Variants in SHANK2 observed in about 807,000 individuals in gnomAD.
The protein encoded by SHANK2 is SH3 and multiple ankyrin repeat domains 2.
In SHANK2, 43 loss-of-function variants were observed where a neutral mutation model predicts 133.7. The ratio of observed to expected loss-of-function variants is 0.32; its 90% CI spans 0.25 to 0.41. The LOEUF (loss-of-function observed/expected upper bound fraction) is 0.41, where lower values mean the gene tolerates loss of function less well. Ranked by LOEUF, SHANK2 falls within the 10% of genes least tolerant of loss-of-function variation. The pLI, the probability that SHANK2 is intolerant of heterozygous loss-of-function variation, is 1.00. For missense variants in SHANK2, 1,994 were observed against 2,235.8 expected, an observed-to-expected ratio of 0.89 and a Z score of 2.18; for synonymous variants, 1,017 against 952.8, an observed-to-expected ratio of 1.07 and a Z score of -1.24.
At chr11:71,060,970 A>C (rs1950980063) in intron 9 of SHANK2, among the ~76,000 whole-genome samples, 1 of 152,244 alleles carries the variant, frequency 6.6e-6, no homozygotes, top group Non-Finnish European at 1.5e-5. Context: ...TGAGTACAGG[A>C]AAAAATATGT....
Position 70,603,764 on chromosome 11 carries a change from A to C in SHANK2, c.2061+56064T>G, listed in dbSNP as rs1241223398. 2.0e-5 allele frequency: 3 copies of C among 152,678 alleles called. No homozygotes were observed. The East Asian group carries it at 5.8e-4, about 29-fold the overall frequency. The allele number at this position is 152,678 out of a possible 1,614,324, so 9.5% of individuals were successfully genotyped here. A position where few individuals can be genotyped will look rare whatever the true frequency, so the allele number is the denominator to read the frequency against. ...GGAGAATCCCACAGTCCCCCTTCTCAGCCTAATTTGCAGGCAAGGAAATGT... is the reference window on the plus strand; with the variant it reads ...GGAGAATCCCACAGTCCCCCTTCTCCGCCTAATTTGCAGGCAAGGAAATGT... On this transcript the variant is annotated intron_variant, in intron 17 of 25. Transcript: ENST00000601538.
chr11:70,750,259 C>T (rs1555037216), intron 14 of SHANK2, among the ~76,000 whole-genome samples: 1 of 152,206 alleles, frequency 6.6e-6, no homozygotes, highest in Non-Finnish European at 1.5e-5. Flanking sequence ...ATAAAAAGAG[C>T]TTCAAGAAAA....
intron 1 of SHANK2, among the ~76,000 whole-genome samples, chr11:71,246,438 A>G (rs1954962155): frequency 6.6e-6 from 1 of 152,204 alleles, no homozygotes; most frequent in Admixed American, 6.5e-5. Flanking sequence ...GGCAGTATGC[A>G]GAGCACACAC....
intron 9 of SHANK2, among the ~76,000 whole-genome samples, chr11:71,070,316 C>T (rs1022800932): frequency 5.3e-5 from 8 of 152,322 alleles, no homozygotes; most frequent in African/African-American, 1.2e-4. Context: ...CTAGACCACT[C>T]GCAGACATTC....
chr11:71,095,008 G>T (rs149271403), intron 6 of SHANK2, among the ~76,000 whole-genome samples: 50 of 152,330 alleles, frequency 3.3e-4, no homozygotes, highest in South Asian at 8.3e-4. Flanking sequence ...GAATCCTGTG[G>T]TACCATCTGG....
chr11:70,901,932 A>T (rs547544885), intron 10 of SHANK2, among the ~76,000 whole-genome samples: 8 of 152,310 alleles, frequency 5.3e-5, no homozygotes, highest in Admixed American at 4.6e-4. Context: ...CCACATGTGA[A>T]GCCAAGGGAA....
intron 2 of SHANK2, among the ~76,000 whole-genome samples, chr11:71,198,602 C>T (rs781850280): frequency 5.3e-5 from 8 of 152,280 alleles, no homozygotes; most frequent in East Asian, 1.9e-4. Flanking sequence ...ACCCCGCAGA[C>T]GCCGTCCCCT....
chr11:70,947,477 C>T (rs542386271), intron 10 of SHANK2, among the ~76,000 whole-genome samples: 10 of 152,044 alleles, frequency 6.6e-5, no homozygotes, highest in Admixed American at 3.3e-4. Context: ...CTCAGCCTCC[C>T]GAGCAGCTGG....
rs181665790 is a variant in SHANK2 at position 70,780,449 on chromosome 11, C to A, written c.1777+17994G>T. Reference sequence around the variant, plus strand: ...TAAATGAGTTTTTCCAAATTGGAGTCCAGAAACTCCAAGTCATCTGAGGGG... The same window carrying A: ...TAAATGAGTTTTTCCAAATTGGAGTACAGAAACTCCAAGTCATCTGAGGGG... On this transcript the variant is annotated intron_variant, in intron 14 of 25. Transcript: ENST00000601538. Among the ~76,000 whole-genome samples the A allele has an allele frequency of 9.8e-4, 149 of 152,224 alleles. 1 individual carries two copies. Among genetic ancestry groups the A allele is most frequent in the African/African-American group, 3.4e-3 (143 of 41,528 alleles).
chr11:71,228,239 A>G (rs1306330428), intron 1 of SHANK2, among the ~76,000 whole-genome samples: 4 of 152,204 alleles, frequency 2.6e-5, no homozygotes, highest in Non-Finnish European at 4.4e-5. Flanking sequence ...TCCTACAACT[A>G]TTAAGGGAAG....
intron 13 of SHANK2, among the ~76,000 whole-genome samples, chr11:70,800,532 A>C (rs1555050298): frequency 3.9e-5 from 6 of 152,222 alleles, no homozygotes; most frequent in Non-Finnish European, 8.8e-5. Flanking sequence ...TTTGAATCTC[A>C]AAGGCCAGAC....
At chr11:70,905,369 T>C (rs1222768899) in intron 10 of SHANK2, among the ~76,000 whole-genome samples, 3 of 152,202 alleles carry the variant, frequency 2.0e-5, no homozygotes, top group South Asian at 4.1e-4. Context: ...CCGCATCCTA[T>C]ACCACCTAGC....
chr11:71,092,503 A>T lies in SHANK2; in HGVS notation c.831T>A (p.Asp277Glu). 1.3e-6 allele frequency: 2 copies of T among 1,551,596 alleles called. No individual in the cohort carries two copies. Among genetic ancestry groups the T allele is most frequent in the South Asian group, 1.2e-5 (1 of 84,046 alleles). The part of the protein sequence containing the change: ...PLYHTAIVGG[D>E]PYCCELLLHE... Reference sequence around the variant, plus strand: ...GCAGGAGAAGCTCGCAGCAGTAGGGATCACCTCCGACGATGGCTGTGTGAT... The same window carrying T: ...GCAGGAGAAGCTCGCAGCAGTAGGGTTCACCTCCGACGATGGCTGTGTGAT... Residue 277 changes from aspartate to glutamate, a missense_variant, in exon 8 of 26, where the codon GAT (aspartate) becomes GAA (glutamate). By Grantham distance (45) the Asp-to-Glu change is conservative. Transcript: ENST00000601538.
intron 11 of SHANK2, among the ~76,000 whole-genome samples, chr11:70,896,140 T>G (rs1949931203): frequency 6.6e-6 from 1 of 152,216 alleles, no homozygotes; most frequent in Admixed American, 6.5e-5. Context: ...TAGGGAATCC[T>G]AGAGCCAACC....
intron 17 of SHANK2, among the ~76,000 whole-genome samples, chr11:70,516,592 A>C (rs975653778): frequency 2.0e-5 from 3 of 152,234 alleles, no homozygotes; most frequent in Non-Finnish European, 4.4e-5. Context: ...TAATCTATAA[A>C]AGTCAAAATT....
At chr11:70,820,106 G>C (rs1198438578) in intron 12 of SHANK2, among the ~76,000 whole-genome samples, 2 of 152,170 alleles carry the variant, frequency 1.3e-5, no homozygotes, top group Non-Finnish European at 1.5e-5. Context: ...TCCACCCCAG[G>C]ATGCTCAGCT....
At chr11:71,204,954 CGGGTGATGTCAGCCTT>C (rs1467606889) in intron 2 of SHANK2, among the ~76,000 whole-genome samples, 1 of 152,200 alleles carries the variant, frequency 6.6e-6, no homozygotes, top group African/African-American at 2.4e-5. Flanking sequence ...ACAGCTAGCT[CGGGTGATGTCAGCCTT>C]GGGTGATGTC....
At chr11:71,173,337 T>G (rs1260816074) in intron 2 of SHANK2, among the ~76,000 whole-genome samples, 1 of 152,220 alleles carries the variant, frequency 6.6e-6, no homozygotes, top group Admixed American at 6.5e-5. Context: ...TGCCTGCTTT[T>G]GGAGCAGATG....
chr11:71,209,017 C>T (rs1431958043), intron 2 of SHANK2, among the ~76,000 whole-genome samples: 1 of 152,184 alleles, frequency 6.6e-6, no homozygotes, highest in East Asian at 1.9e-4. Context: ...AGAGGACACT[C>T]GGCCCCAATG....
Sources: allele counts gnomAD v4.1 joint callset (sites outside exome capture counted in the v4.1 genomes callset), GRCh38; gene constraint gnomAD v4.1.1; transcripts MANE v1.5; gene names NCBI Gene and HGNC (gene_info 2026-07-23, HGNC 2026-07-21).